The following ANKS1B variants were observed in gnomAD, a reference collection of about 807,000 sequenced individuals.
ANKS1B encodes the protein ankyrin repeat and sterile alpha motif domain containing 1B.
ANKS1B carries 36 observed loss-of-function variants against 148.3 expected under a neutral mutation model. The ratio of observed to expected loss-of-function variants is 0.24; its 90% CI spans 0.19 to 0.32. The LOEUF is 0.32. Among genes scored for constraint, ANKS1B ranks in the 10% least tolerant of loss-of-function variants. The pLI is 1.00. For missense variants in ANKS1B, 1,157 were observed against 1,542.6 expected (o/e 0.75, Z 4.19); for synonymous variants, 542 against 560.8 (o/e 0.97, Z 0.47).
intron 15 of ANKS1B, among the ~76,000 whole-genome samples, chr12:99,087,899 T>C (rs968694892): frequency 5.3e-5 from 8 of 150,278 alleles, no homozygotes; most frequent in African/African-American, 1.7e-4. Flanking sequence ...TCACTGTTCT[T>C]CCTCTACACC....
chr12:99,275,989 C>T (rs999582167), intron 12 of ANKS1B, among the ~76,000 whole-genome samples: 1 of 152,054 alleles, frequency 6.6e-6, no homozygotes, highest in African/African-American at 2.4e-5. Flanking sequence ...ATGATGCTTC[C>T]CTGAGAATGC....
chr12:99,634,576 ATGT>A (rs1164293552), intron 9 of ANKS1B, among the ~76,000 whole-genome samples: 1 of 152,230 alleles, frequency 6.6e-6, no homozygotes, highest in Non-Finnish European at 1.5e-5. Context: ...AAAATATTAA[ATGT>A]TGTAAAATGC....
At position 99,045,518 on chromosome 12, in the gene ANKS1B, A is replaced by C. The variant is rs546584000; in HGVS notation, c.2778+7639T>G. 1.2e-4 allele frequency among the ~76,000 whole-genome samples: 18 copies of C among 152,290 alleles called. 1 individual carries two copies. Among genetic ancestry groups the C allele is most frequent in the African/African-American group, 2.2e-4 (9 of 41,556 alleles). The stretch of plus-strand genomic sequence containing the variant: ...GGCTGCACATGAAAATCACTTGAGG[A>C]GCTTTTAAGACCTCCTGATACCCAG... On this transcript the variant is annotated intron_variant, in intron 17 of 26. Transcript: ENST00000683438.
intron 1 of ANKS1B, among the ~76,000 whole-genome samples, chr12:99,948,247 T>C (rs1374029767): frequency 6.6e-6 from 1 of 151,926 alleles, no homozygotes; most frequent in Non-Finnish European, 1.5e-5. Context: ...TTGAAGAAGA[T>C]TTTAAATAGA....
chr12:99,495,252 AG>A (rs2035295213), intron 10 of ANKS1B, among the ~76,000 whole-genome samples: 1 of 152,096 alleles, frequency 6.6e-6, no homozygotes, highest in Non-Finnish European at 1.5e-5. Flanking sequence ...TCAACCTAGC[AG>A]GAGTTCATTG....
At chr12:99,367,375 C>A (rs900739400) in intron 12 of ANKS1B, among the ~76,000 whole-genome samples, 36 of 152,178 alleles carry the variant, frequency 2.4e-4, no homozygotes, top group African/African-American at 8.7e-4. Context: ...TCTTACCTAG[C>A]AGATTGGCAC....
chr12:98,897,272 A>G (rs544825405), intron 17 of ANKS1B, among the ~76,000 whole-genome samples: 35 of 152,314 alleles, frequency 2.3e-4, no homozygotes, highest in African/African-American at 7.2e-4. Flanking sequence ...CAGCAAAATA[A>G]TAAACAGAGT....
intron 1 of ANKS1B, among the ~76,000 whole-genome samples, chr12:99,928,266 A>ATTTTTTTTTTTT (rs1355468782): frequency 1.2e-5 from 1 of 81,098 alleles, no homozygotes; most frequent in African/African-American, 6.3e-5. Context: ...ATTTTATTTT[A>ATTTTTTTTTTTT]TTTTATTTTT....
At chr12:99,781,587 CA>C (rs2064330589) in intron 5 of ANKS1B, among the ~76,000 whole-genome samples, 1 of 152,146 alleles carries the variant, frequency 6.6e-6, no homozygotes, top group African/African-American at 2.4e-5. Flanking sequence ...ACTAGAAGGA[CA>C]ATTTACCTTA....
chr12:99,126,021 A>C (rs2064238764), intron 15 of ANKS1B, among the ~76,000 whole-genome samples: 1 of 152,178 alleles, frequency 6.6e-6, no homozygotes, highest in Non-Finnish European at 1.5e-5. Flanking sequence ...TAAGAAAAAA[A>C]ACACCAAACC....
intron 8 of ANKS1B, among the ~76,000 whole-genome samples, chr12:99,735,540 C>T (rs2059533232): frequency 6.6e-6 from 1 of 151,988 alleles, no homozygotes. Context: ...TGGACATATA[C>T]AGCCTACCAA....
intron 6 of ANKS1B, among the ~76,000 whole-genome samples, chr12:99,778,028 C>G (rs1157574287): frequency 6.6e-6 from 1 of 151,724 alleles, no homozygotes; most frequent in Non-Finnish European, 1.5e-5. Context: ...GAAACTCCGT[C>G]TCTACTAAAA....
chr12:99,046,354 G>A (rs933813600), intron 17 of ANKS1B, among the ~76,000 whole-genome samples: 1 of 151,918 alleles, frequency 6.6e-6, no homozygotes, highest in African/African-American at 2.4e-5. Flanking sequence ...CAAAAAAACA[G>A]CAAGGAGAAA....
intron 9 of ANKS1B, among the ~76,000 whole-genome samples, chr12:99,543,525 A>G (rs1351796164): frequency 3.3e-5 from 5 of 152,154 alleles, no homozygotes; most frequent in Non-Finnish European, 7.4e-5. Flanking sequence ...TTGCACATAA[A>G]TGCTCATAGC....
At chr12:99,071,988 C>T (rs1444123286) in intron 16 of ANKS1B, among the ~76,000 whole-genome samples, 1 of 152,160 alleles carries the variant, frequency 6.6e-6, no homozygotes, top group Non-Finnish European at 1.5e-5. Flanking sequence ...TGACTTTAAA[C>T]ACCTTCTCTT....
At chr12:98,843,741 C>G (rs1297024619) in intron 17 of ANKS1B, among the ~76,000 whole-genome samples, 1 of 152,172 alleles carries the variant, frequency 6.6e-6, no homozygotes, top group Non-Finnish European at 1.5e-5. Context: ...CATATTGAAG[C>G]AGTGAAACTA....
chr12:99,670,003 T>A (rs1027981472), intron 8 of ANKS1B, among the ~76,000 whole-genome samples: 7 of 152,180 alleles, frequency 4.6e-5, no homozygotes, highest in Non-Finnish European at 1.0e-4. Context: ...ATGTTTGACA[T>A]ATTTTTGTCC....
chr12:99,579,541 C>G (rs758896093), intron 9 of ANKS1B, among the ~76,000 whole-genome samples: 11 of 152,062 alleles, frequency 7.2e-5, no homozygotes, highest in Non-Finnish European at 1.3e-4. Context: ...GGGTAAAGGA[C>G]ATGAACAGAC....
At chr12:99,416,052 C>A (rs970639684) in intron 11 of ANKS1B, among the ~76,000 whole-genome samples, 2 of 152,050 alleles carry the variant, frequency 1.3e-5, no homozygotes, top group South Asian at 2.1e-4. Context: ...TGGTAACTAC[C>A]GATCTGTTAT....
Sources: gnomAD v4.1 joint callset for allele counts (sites outside exome capture counted in the v4.1 genomes callset) on GRCh38, gnomAD v4.1.1 for gene constraint, MANE v1.5 for transcripts, NCBI Gene and HGNC (gene_info 2026-07-23, HGNC 2026-07-21) for gene names.